GRB10: variants seen among roughly 807,000 people sequenced by gnomAD.
GRB10 encodes the protein growth factor receptor-bound protein 10.
In GRB10, 20 loss-of-function variants were observed where a neutral mutation model predicts 80.9. The observed-to-expected ratio is 0.25, with a 90% CI of 0.17 to 0.36. The LOEUF (loss-of-function observed/expected upper bound fraction) is 0.36. Among genes scored for constraint, GRB10 ranks in the 10% least tolerant of loss-of-function variants. The probability of loss-of-function intolerance (pLI) is 1.00; values close to 1 mark genes in which losing one functional copy is unlikely to be tolerated. For missense variants in GRB10, 548 were observed against 747.7 expected (o/e 0.73, Z 3.12); for synonymous variants, 291 against 291.5 (o/e 1.00, Z 0.02).
intron 2 of GRB10, among the ~76,000 whole-genome samples, chr7:50,760,370 G>T (rs1214486494): frequency 6.6e-6 from 1 of 152,146 alleles, no homozygotes; most frequent in Admixed American, 6.5e-5. Flanking sequence ...GATATAAAAA[G>T]ACCTAAATGA....
chr7:50,629,718 G>A (rs1257980701), intron 7 of GRB10, among the ~76,000 whole-genome samples: 2 of 152,250 alleles, frequency 1.3e-5, no homozygotes, highest in Admixed American at 6.5e-5. Context: ...GGTACTGCCA[G>A]CCACTGACCA....
intron 2 of GRB10, among the ~76,000 whole-genome samples, chr7:50,767,861 G>A (rs1239996625): frequency 6.6e-6 from 1 of 152,168 alleles, no homozygotes; most frequent in Non-Finnish European, 1.5e-5. Flanking sequence ...CAATCGAGAA[G>A]CCCAAGCTGT....
At chr7:50,712,557 G>C (rs2066057004) in intron 4 of GRB10, among the ~76,000 whole-genome samples, 1 of 152,148 alleles carries the variant, frequency 6.6e-6, no homozygotes, top group Non-Finnish European at 1.5e-5. Context: ...GGCCTGGCAG[G>C]GAAAATACCA....
intron 4 of GRB10, chr7:50,710,811 C>CATT: frequency 6.4e-7 from 1 of 1,552,916 alleles, no homozygotes; most frequent in Non-Finnish European, 8.9e-7. Flanking sequence ...ATTAAAATAA[C>CATT]ATAAATAAAG....
At chr7:50,602,133 A>G (rs962153679) in intron 17 of GRB10, among the ~76,000 whole-genome samples, 2 of 140,610 alleles carry the variant, frequency 1.4e-5, no homozygotes, top group African/African-American at 2.4e-5. Flanking sequence ...CTAAAAATTG[A>G]CAAGTAAAGG....
Position 50,674,449 on chromosome 7 carries a change from T to G in GRB10, c.349A>C (p.Ile117Leu), listed in dbSNP as rs755455227. ...QRVQRSQPVH[I>L]LAVRRLQEED... ...GCCTGGACCTACCTGACAGCGAGGA[T>G]GTGCACAGGCTGGGAGCGCTGCACC... The change falls in exon 6 of 19, where the codon ATC (isoleucine) becomes CTC (leucine). Residue 117 changes from isoleucine to leucine, a missense_variant. By Grantham distance (5) the Ile-to-Leu change is conservative. This residue lies in a region of GRB10 where 245 missense variants were observed against 229.3 expected (regional missense o/e 1.07). Coordinates refer to ENST00000401949, the MANE Select transcript of GRB10 (RefSeq NM_001350814.2). 6.2e-7 allele frequency: 1 copy of G among 1,605,362 alleles called. No homozygotes were observed. Among genetic ancestry groups the G allele is most frequent in the Non-Finnish European group, 8.5e-7 (1 of 1,179,970 alleles).
At chr7:50,736,271 G>A (rs1010265411) in intron 3 of GRB10, among the ~76,000 whole-genome samples, 1 of 152,130 alleles carries the variant, frequency 6.6e-6, no homozygotes, top group African/African-American at 2.4e-5. Flanking sequence ...GGGCAACACA[G>A]CCAGACTTCA....
chr7:50,708,889 T>C (rs1303093346), intron 4 of GRB10, among the ~76,000 whole-genome samples: 1 of 152,120 alleles, frequency 6.6e-6, no homozygotes, highest in African/African-American at 2.4e-5. Flanking sequence ...TTGGCCAGGA[T>C]GGTCTTGATC....
rs568149631 is a variant in GRB10, at chr7:50,709,810, G to A, written c.52-5902C>T. Among the ~76,000 whole-genome samples the A allele has an allele frequency of 5.9e-5, 9 of 152,130 alleles. No individual in the cohort carries two copies. In the South Asian group the frequency reaches 8.3e-4, roughly 14 times the overall value. ...GCTGGTCCTCACCTTGGAGAACATG[G>A]TAGAAATGCAGGCTCCCAGGCCCCA... On this transcript the variant is annotated intron_variant, in intron 4 of 18. Coordinates refer to ENST00000401949, the MANE Select transcript of GRB10 (RefSeq NM_001350814.2).
intron 4 of GRB10, among the ~76,000 whole-genome samples, chr7:50,704,980 CA>C (rs1333133481): frequency 6.6e-6 from 1 of 152,198 alleles, no homozygotes; most frequent in Non-Finnish European, 1.5e-5. Flanking sequence ...ACTCAAAAGG[CA>C]CATTGATTTC....
intron 7 of GRB10, among the ~76,000 whole-genome samples, chr7:50,633,713 A>AACAACAACC (rs796786890): frequency 6.0e-5 from 9 of 150,744 alleles, no homozygotes; most frequent in African/African-American, 2.2e-4. Flanking sequence ...CAAACAAAAC[A>AACAACAACC]ACAACAACAA....
At chr7:50,780,094 A>G (rs1020638581) in intron 2 of GRB10, among the ~76,000 whole-genome samples, 69 of 152,194 alleles carry the variant, frequency 4.5e-4, no homozygotes, top group African/African-American at 1.5e-3. Flanking sequence ...GCCGGCCGTG[A>G]GAGGAACAAA....
At chr7:50,624,314 A>G (rs150157877) in intron 8 of GRB10, among the ~76,000 whole-genome samples, 2 of 152,332 alleles carry the variant, frequency 1.3e-5, no homozygotes, top group South Asian at 2.1e-4. Context: ...ACCATCCATG[A>G]TAAAGAAGAA....
intron 6 of GRB10, among the ~76,000 whole-genome samples, chr7:50,673,151 G>A (rs560586029): frequency 8.5e-5 from 13 of 152,182 alleles, no homozygotes; most frequent in African/African-American, 3.1e-4. Context: ...CCCAGGAAAT[G>A]AACAGAGCTC....
chr7:50,707,620 TG>T (rs1307811844), intron 4 of GRB10, among the ~76,000 whole-genome samples: 1 of 152,256 alleles, frequency 6.6e-6, no homozygotes, highest in Non-Finnish European at 1.5e-5. Context: ...CTGCTATGTA[TG>T]TGAATAATTA....
intron 7 of GRB10, among the ~76,000 whole-genome samples, chr7:50,643,785 A>AT (rs2056710109): frequency 6.6e-6 from 1 of 152,226 alleles, no homozygotes; most frequent in Non-Finnish European, 1.5e-5. Flanking sequence ...ATATGTGCAT[A>AT]TATGTATCTC....
chr7:50,678,879 A>C (rs2061251448), intron 5 of GRB10, among the ~76,000 whole-genome samples: 1 of 152,228 alleles, frequency 6.6e-6, no homozygotes, highest in Non-Finnish European at 1.5e-5. Context: ...TCTGCCACGT[A>C]ACAGAAGTGG....
At chr7:50,733,225 T>C (rs1225774215) in intron 3 of GRB10, among the ~76,000 whole-genome samples, 1 of 152,178 alleles carries the variant, frequency 6.6e-6, no homozygotes, top group Admixed American at 6.5e-5. Flanking sequence ...AATGAACATC[T>C]GCAAGCCAAG....
intron 1 of GRB10, among the ~76,000 whole-genome samples, chr7:50,788,223 A>G (rs924651834): frequency 5.9e-5 from 9 of 152,242 alleles, no homozygotes; most frequent in Non-Finnish European, 1.2e-4. Context: ...CACTGCCTAA[A>G]TACTCCCAGG....
Sources: allele counts gnomAD v4.1 joint callset (sites outside exome capture counted in the v4.1 genomes callset), GRCh38; gene constraint gnomAD v4.1.1; regional missense constraint gnomAD v4.1.1; transcripts MANE v1.5; gene names NCBI Gene and HGNC (gene_info 2026-07-23, HGNC 2026-07-21).